The following KCNMA1 variants were observed in gnomAD, a reference collection of about 807,000 sequenced individuals.
KCNMA1 encodes the protein Calcium-activated potassium channel subunit alpha-1.
Under a neutral mutation model 140.0 loss-of-function variants are expected in KCNMA1, and 29 were observed. The observed-to-expected ratio is 0.21, with a 90% CI of 0.15 to 0.28. The LOEUF (loss-of-function observed/expected upper bound fraction) is 0.28, where lower values mean the gene tolerates loss of function less well. Among genes scored for constraint, KCNMA1 ranks in the 10% least tolerant of loss-of-function variants. The probability of loss-of-function intolerance (pLI) is 1.00; values close to 1 mark genes in which losing one functional copy is unlikely to be tolerated. For missense variants in KCNMA1, 880 were observed against 1,602.2 expected (o/e 0.55, Z 7.70); for synonymous variants, 612 against 611.9 (o/e 1.00, Z 0.00).
chr10:77,013,077 T>C (rs1220678859), intron 17 of KCNMA1, among the ~76,000 whole-genome samples: 1 of 152,218 alleles, frequency 6.6e-6, no homozygotes, highest in Non-Finnish European at 1.5e-5. Context: ...ATGCCAGCTA[T>C]GAACATGGCC....
intron 2 of KCNMA1, among the ~76,000 whole-genome samples, chr10:77,292,976 G>T (rs1442497585): frequency 6.6e-6 from 1 of 152,176 alleles, no homozygotes; most frequent in Non-Finnish European, 1.5e-5. Context: ...CTGGTAAGGG[G>T]ATATCTCTGC....
rs565644901 is a variant in KCNMA1, at chr10:77,261,771, A to G, written c.541-10515T>C. Reference sequence around the variant, plus strand: ...CCGATGCACTGGCAAGCATGATAAAATCTTCCATTTGAGGTCTAAAGTTGG... The same window carrying G: ...CCGATGCACTGGCAAGCATGATAAAGTCTTCCATTTGAGGTCTAAAGTTGG... On this transcript the variant is annotated intron_variant, in intron 2 of 27. Transcript: ENST00000286628. Among the ~76,000 whole-genome samples the G allele has an allele frequency of 2.0e-5, 3 of 152,322 alleles. No individual in the cohort carries two copies. In the South Asian group the frequency reaches 6.2e-4, roughly 32 times the overall value.
intron 1 of KCNMA1, among the ~76,000 whole-genome samples, chr10:77,584,285 G>A (rs574345575): frequency 4.6e-5 from 7 of 152,184 alleles, no homozygotes; most frequent in African/African-American, 1.7e-4. Context: ...CAACATATAC[G>A]TAAGACTTGT....
intron 5 of KCNMA1, among the ~76,000 whole-genome samples, chr10:77,169,318 G>GCA (rs2098677406): frequency 6.6e-6 from 1 of 151,980 alleles, no homozygotes; most frequent in African/African-American, 2.4e-5. Flanking sequence ...TGGAGAAGAA[G>GCA]GCTAGGTGAG....
At position 76,885,873 on chromosome 10, in the gene KCNMA1, T is replaced by C. The variant is rs1482867136; in HGVS notation, c.*1393A>G. 5 of 985,028 alleles carry C rather than the reference T, an allele frequency of 5.1e-6. No individual in the cohort carries two copies. In the African/African-American group the frequency reaches 8.7e-5, roughly 17 times the overall value. 61.0% of individuals were successfully genotyped at this position (985,028 alleles called of 1,614,324 possible). On this transcript the variant is annotated 3_prime_UTR_variant, in exon 28 of 28. Transcript: ENST00000286628. ...AAACAAAAGAAGAAAAAAATAACTA[T>C]ACCAAAATGTGTTTGGCTCACTGTT...
At chr10:77,494,369 C>T (rs2041080304) in intron 1 of KCNMA1, among the ~76,000 whole-genome samples, 1 of 152,220 alleles carries the variant, frequency 6.6e-6, no homozygotes, top group South Asian at 2.1e-4. Flanking sequence ...AGCCCAGCTG[C>T]CTGGCTAGCC....
intron 15 of KCNMA1, among the ~76,000 whole-genome samples, chr10:77,030,543 C>A (rs1202834254): frequency 1.3e-5 from 2 of 152,104 alleles, no homozygotes; most frequent in African/African-American, 4.8e-5. Flanking sequence ...AATGACCAGT[C>A]CACTTTGGGA....
At chr10:77,378,154 A>T (rs1449592547) in intron 2 of KCNMA1, among the ~76,000 whole-genome samples, 1 of 152,184 alleles carries the variant, frequency 6.6e-6, no homozygotes, top group East Asian at 1.9e-4. Context: ...ACTGGGGGTC[A>T]CTGCAGCCTC....
At chr10:76,949,036 T>C (rs1003836377) in intron 22 of KCNMA1, 106 bp downstream of exon 22, 3 of 966,394 alleles carry the variant, frequency 3.1e-6, no homozygotes, top group African/African-American at 3.2e-5. Context: ...CATACCCAGA[T>C]GAAGAAGCAC....
chr10:77,343,095 A>G (rs2091354566), intron 2 of KCNMA1, among the ~76,000 whole-genome samples: 1 of 152,038 alleles, frequency 6.6e-6, no homozygotes. Context: ...GTGTGGCTGA[A>G]CCTTCTTGCT....
chr10:77,459,067 T>C (rs921005325), intron 1 of KCNMA1, among the ~76,000 whole-genome samples: 1 of 152,182 alleles, frequency 6.6e-6, no homozygotes, highest in Non-Finnish European at 1.5e-5. Flanking sequence ...GGGCTGCACC[T>C]GGGGGTATTT....
chr10:77,364,657 C>T (rs1463564079), intron 2 of KCNMA1, among the ~76,000 whole-genome samples: 1 of 152,084 alleles, frequency 6.6e-6, no homozygotes, highest in East Asian at 1.9e-4. Flanking sequence ...ACCTCTGGCT[C>T]ATAACTTCTC....
At chr10:77,414,678 T>G (rs1407065942) in intron 1 of KCNMA1, among the ~76,000 whole-genome samples, 1 of 151,382 alleles carries the variant, frequency 6.6e-6, no homozygotes, top group Non-Finnish European at 1.5e-5. Context: ...CCTAGTAAGA[T>G]GGGGTTTCAA....
At chr10:77,461,052 G>A (rs188952190) in intron 1 of KCNMA1, among the ~76,000 whole-genome samples, 105 of 152,138 alleles carry the variant, frequency 6.9e-4, no homozygotes, top group Non-Finnish European at 1.1e-3. Context: ...GTTGCAGTAA[G>A]CCAAGATCAC....
rs750814912 is a variant in KCNMA1 at position 77,454,647 on chromosome 10, G to A, written c.379-50624C>T. 2.6e-5 allele frequency among the ~76,000 whole-genome samples: 4 copies of A among 152,166 alleles called. No homozygotes were observed. The East Asian group carries it at 5.8e-4, about 22-fold the overall frequency. ...AAACCTAGAGTTGATCAGCGATCACGATACACGAACATGCTCTCTTCTTCA... is the reference window on the plus strand; with the variant it reads ...AAACCTAGAGTTGATCAGCGATCACAATACACGAACATGCTCTCTTCTTCA... On this transcript the variant is annotated intron_variant, in intron 1 of 27. Transcript: ENST00000286628.
At chr10:77,024,954 T>C (rs2093259432) in intron 16 of KCNMA1, among the ~76,000 whole-genome samples, 1 of 151,852 alleles carries the variant, frequency 6.6e-6, no homozygotes, top group African/African-American at 2.4e-5. Context: ...TCACTGGGAA[T>C]GTGGAAGTGG....
In KCNMA1 at chr10:77,149,628, G is replaced by A. The variant is rs114148882; in HGVS notation, c.809-28580C>T. ...TATTTTGATGGGCAAGACCTGTGCT[G>A]TTGGGCTGCCTGGTCAAACCCATGC... is the stretch of plus-strand genomic sequence containing the variant. On this transcript the variant is annotated intron_variant, in intron 5 of 27. Transcript: ENST00000286628. Among the ~76,000 whole-genome samples, 1,224 of 152,310 alleles carry A rather than the reference G, an allele frequency of 8.0e-3. 15 individuals carry two copies. Among genetic ancestry groups the A allele is most frequent in the African/African-American group, 0.028 (1,168 of 41,558 alleles).
intron 3 of KCNMA1, among the ~76,000 whole-genome samples, chr10:77,198,595 T>G (rs1038940013): frequency 9.6e-6 from 1 of 103,972 alleles, no homozygotes; most frequent in African/African-American, 3.2e-5. Flanking sequence ...ATATATATAT[T>G]TCTTAACATT....
At chr10:77,359,256 G>C (rs565180805) in intron 2 of KCNMA1, among the ~76,000 whole-genome samples, 3 of 152,186 alleles carry the variant, frequency 2.0e-5, no homozygotes, top group African/African-American at 7.2e-5. Context: ...TGTTGGCGGG[G>C]AGGGGCAGGA....
Sources: gnomAD v4.1 joint callset for allele counts (sites outside exome capture counted in the v4.1 genomes callset) on GRCh38, gnomAD v4.1.1 for gene constraint, MANE v1.5 for transcripts, NCBI Gene and HGNC (gene_info 2026-07-23, HGNC 2026-07-21) for gene names.